Variants in ZFP14 observed in about 807,000 individuals in gnomAD.
ZFP14 encodes zinc finger protein 14 homolog.
In ZFP14, 22 loss-of-function variants were observed where a neutral mutation model predicts 54.5. The ratio of observed to expected loss-of-function variants is 0.40; its 90% CI spans 0.29 to 0.58. ZFP14 has a LOEUF of 0.58. ZFP14 is among the 20% of genes least tolerant of loss of function. The pLI, the probability that ZFP14 is intolerant of heterozygous loss-of-function variation, is 0.39. For missense variants in ZFP14, 470 were observed against 637.8 expected, an observed-to-expected ratio of 0.74 and a Z score of 2.83; for synonymous variants, 159 against 204.0, an observed-to-expected ratio of 0.78 and a Z score of 1.88.
intron 4 of ZFP14, among the ~76,000 whole-genome samples, chr19:36,357,508 G>A (rs1476157270): frequency 6.6e-6 from 1 of 152,260 alleles, no homozygotes; most frequent in Non-Finnish European, 1.5e-5. Flanking sequence ...TTGGTATGAG[G>A]TAAAAGCTGA....
intron 2 of ZFP14, among the ~76,000 whole-genome samples, chr19:36,365,775 A>G (rs892110947): frequency 2.6e-5 from 4 of 152,126 alleles, no homozygotes; most frequent in Non-Finnish European, 5.9e-5. Flanking sequence ...CTTAGGCAAC[A>G]TAGTGGGACC....
At chr19:36,360,142 T>G (rs1163597016) in intron 4 of ZFP14, 3 of 214,906 alleles carry the variant, frequency 1.4e-5, no homozygotes, top group Non-Finnish European at 2.7e-5. Flanking sequence ...ATTTTGCTGA[T>G]TTCTGCTCTT....
intron 4 of ZFP14, among the ~76,000 whole-genome samples, chr19:36,347,798 C>T (rs756667762): frequency 2.6e-5 from 4 of 152,170 alleles, no homozygotes; most frequent in South Asian, 2.1e-4. Flanking sequence ...CAGTGGCTCA[C>T]GCCTGTCAAT....
intron 1 of ZFP14, among the ~76,000 whole-genome samples, chr19:36,369,066 T>C (rs2031840091): frequency 6.6e-6 from 1 of 152,210 alleles, no homozygotes; most frequent in African/African-American, 2.4e-5. Flanking sequence ...TGTCTTGAAC[T>C]CCTGACCTCA....
At position 36,341,266 on chromosome 19, in the gene ZFP14, A is replaced by T; in HGVS notation, c.560T>A (p.Leu187His). 6.2e-7 allele frequency: 1 copy of T among 1,614,218 alleles called. No homozygotes were observed. The highest frequency in any genetic ancestry group is 8.5e-7 in the Non-Finnish European group (1 of 1,180,044). Residue 187 changes from leucine to histidine, a missense_variant, in exon 5 of 5, where the codon CTT becomes CAT. Physicochemically the swap from Leu to His is moderately conservative, Grantham distance 99. Coordinates refer to ENST00000270001, the MANE Select transcript of ZFP14 (RefSeq NM_020917.3). The surrounding 1 kb of genome is among the most constrained non-coding windows in gnomAD (Gnocchi z 4.2). The stretch of plus-strand genomic sequence containing the variant: ...AGTATGAATTCTCAGGTGTTGACTA[A>T]GTGTTGAGCGACGAATAAAGGTCTT... ...CRKTFIRRST[L>H]SQHLRIHTGE... is the part of the protein sequence containing the mutation.
At position 36,341,795 on chromosome 19, in the gene ZFP14, T is replaced by C. The variant is rs1308968119; in HGVS notation, c.236-205A>G. Among the ~76,000 whole-genome samples the C allele has an allele frequency of 6.6e-6, 1 of 152,184 alleles. No homozygotes were observed. The highest frequency in any genetic ancestry group is 2.4e-5 in the African/African-American group (1 of 41,452). ...TAAAAAACCTTATCTTCTACAAAAG[T>C]ACACACTAAAAATTACTGTGTTCAG... On this transcript the variant is annotated intron_variant, in intron 4 of 4. Coordinates refer to ENST00000270001, the MANE Select transcript of ZFP14 (RefSeq NM_020917.3). This position sits in a 1 kb window ranked among gnomAD's most constrained non-coding sequence, Gnocchi z 4.2.
chr19:36,376,454 G>A (rs2031963830), intron 1 of ZFP14, among the ~76,000 whole-genome samples: 1 of 151,994 alleles, frequency 6.6e-6, no homozygotes, highest in Admixed American at 6.6e-5. Flanking sequence ...GCTGAGGTAG[G>A]AGAATGGTTT....
rs562148049 is a variant in ZFP14 at position 36,337,070 on chromosome 19, AAATT to A, written c.*3150_*3153del. On this transcript the variant is annotated 3_prime_UTR_variant, in exon 5 of 5. Transcript: ENST00000270001. The stretch of plus-strand genomic sequence containing the variant: ...AATCACACTGACATAATCCCTAACC[AAATT>A]AATATATGTAAATATCATTTAATAT... The A allele has an allele frequency of 9.5e-5, 13 of 136,638 alleles. No individual in the cohort carries two copies. The highest frequency in any genetic ancestry group is 1.6e-4 in the Non-Finnish European group (10 of 60,958). 8.5% of individuals were successfully genotyped at this position (136,638 alleles called of 1,614,324 possible).
intron 2 of ZFP14, among the ~76,000 whole-genome samples, chr19:36,366,920 G>A (rs772087120): frequency 6.6e-6 from 1 of 152,098 alleles, no homozygotes; most frequent in South Asian, 2.1e-4. Flanking sequence ...CTGGGAGGCC[G>A]AGGCAGGCAG....
chr19:36,356,095 T>C (rs1441895540), intron 4 of ZFP14, among the ~76,000 whole-genome samples: 1 of 134,590 alleles, frequency 7.4e-6, no homozygotes, highest in Non-Finnish European at 1.6e-5. Flanking sequence ...ACCCAGCCCC[T>C]CCCAGTGTTA....
intron 4 of ZFP14, among the ~76,000 whole-genome samples, chr19:36,350,295 A>G (rs1292625882): frequency 7.0e-6 from 1 of 142,766 alleles, no homozygotes. Context: ...AAAGACATCA[A>G]ACCCAAGATT....
chr19:36,373,726 C>T (rs1050077111), intron 1 of ZFP14, among the ~76,000 whole-genome samples: 2 of 151,594 alleles, frequency 1.3e-5, no homozygotes, highest in African/African-American at 4.8e-5. Flanking sequence ...GCCTGGGCAA[C>T]ATAGTGAGAC....
intron 2 of ZFP14, among the ~76,000 whole-genome samples, chr19:36,365,482 C>T (rs576322604): frequency 1.4e-3 from 214 of 152,224 alleles, no homozygotes; most frequent in African/African-American, 5.1e-3. Flanking sequence ...ATAGCGGGAA[C>T]GGCTGACACT....
Position 36,378,773 on chromosome 19 carries a change from A to G in ZFP14, c.-80+390T>C, listed in dbSNP as rs1181397190. On this transcript the variant is annotated intron_variant, in intron 1 of 4. Coordinates refer to ENST00000270001, the MANE Select transcript of ZFP14 (RefSeq NM_020917.3). Reference sequence around the variant, plus strand: ...CTACTGCGCGCAAAACCCGATGGAAATAACAGGGAGCCTGGAATAAAGCTG... The same window carrying G: ...CTACTGCGCGCAAAACCCGATGGAAGTAACAGGGAGCCTGGAATAAAGCTG... The G allele has an allele frequency of 3.3e-5, 5 of 152,224 alleles. No individual in the cohort carries two copies. In the South Asian group the frequency reaches 6.2e-4, roughly 19 times the overall value. 9.4% of individuals were successfully genotyped at this position (152,224 alleles called of 1,614,324 possible).
chr19:36,373,305 A>C lies in ZFP14; in HGVS notation c.-79-5334T>G, dbSNP rs183296486. On this transcript the variant is annotated intron_variant, in intron 1 of 4. Transcript: ENST00000270001. The stretch of plus-strand genomic sequence containing the variant: ...AAAAAAAAAACAAAAAAACAACCAA[A>C]CAAACAAACAAACAAAAACAACTTA... Among the ~76,000 whole-genome samples the C allele has an allele frequency of 5.8e-3, 884 of 151,702 alleles. 5 individuals are homozygous for C. Among genetic ancestry groups the C allele is most frequent in the Middle Eastern group, 0.031 (9 of 294 alleles).
At chr19:36,364,604 A>G (rs2031762546) in intron 2 of ZFP14, among the ~76,000 whole-genome samples, 1 of 152,182 alleles carries the variant, frequency 6.6e-6, no homozygotes, top group African/African-American at 2.4e-5. Flanking sequence ...GTCAAGGCAC[A>G]CATGAAAGTT....
chr19:36,375,768 A>G, intron 1 of ZFP14, among the ~76,000 whole-genome samples: 1 of 151,992 alleles, frequency 6.6e-6, no homozygotes, highest in Non-Finnish European at 1.5e-5. Flanking sequence ...CGTGTTAGCC[A>G]GGATGGTCTC....
At chr19:36,347,670 T>C (rs1284032623) in intron 4 of ZFP14, among the ~76,000 whole-genome samples, 1 of 152,066 alleles carries the variant, frequency 6.6e-6, no homozygotes, top group Non-Finnish European at 1.5e-5. Context: ...CAAAAATTAT[T>C]TTGAAGATTA....
chr19:36,373,811 T>C (rs1176530397), intron 1 of ZFP14, among the ~76,000 whole-genome samples: 2 of 147,274 alleles, frequency 1.4e-5, no homozygotes, highest in Admixed American at 6.8e-5. Context: ...TACCAGGAGG[T>C]TGAAGCAGGA....
Sources: allele counts gnomAD v4.1 joint callset (sites outside exome capture counted in the v4.1 genomes callset), GRCh38; gene constraint gnomAD v4.1.1; non-coding constraint Gnocchi (gnomAD v3.1); transcripts MANE v1.5; gene names NCBI Gene and HGNC (gene_info 2026-07-23, HGNC 2026-07-21).